Variants in MAK observed in about 807,000 individuals in gnomAD.
MAK encodes serine/threonine-protein kinase MAK.
MAK carries 65 observed loss-of-function variants against 82.6 expected under a neutral mutation model. The observed-to-expected ratio is 0.79, with a 90% CI of 0.64 to 0.97. MAK has a LOEUF of 0.97. Among genes scored for constraint, MAK ranks in the 50% least tolerant of loss-of-function variants. The pLI is 0.00. For synonymous variants in MAK, 250 were observed against 274.2 expected (o/e 0.91, Z 0.87); for missense variants, 703 against 780.2 (o/e 0.90, Z 1.18).
chr6:10,782,258 A>T (rs1025696649), intron 11 of MAK, among the ~76,000 whole-genome samples: 1 of 151,098 alleles, frequency 6.6e-6, no homozygotes, highest in Non-Finnish European at 1.5e-5. Flanking sequence ...ACAGACACAC[A>T]CCAAAACTAT....
intron 11 of MAK, among the ~76,000 whole-genome samples, chr6:10,783,296 A>G (rs1160726315): frequency 2.0e-5 from 3 of 152,162 alleles, no homozygotes; most frequent in Admixed American, 1.3e-4. Flanking sequence ...GGCACATGAT[A>G]AACTCCCCAC....
intron 5 of MAK, among the ~76,000 whole-genome samples, chr6:10,809,801 G>A (rs1434288839): frequency 2.0e-5 from 3 of 152,112 alleles, no homozygotes; most frequent in Non-Finnish European, 2.9e-5. Flanking sequence ...AGAAAATGAG[G>A]CAGAAAGCCC....
intron 12 of MAK, among the ~76,000 whole-genome samples, chr6:10,773,788 T>C (rs1267433276): frequency 6.7e-6 from 1 of 150,190 alleles, no homozygotes; most frequent in Non-Finnish European, 1.5e-5. Context: ...ACTTCCTGGG[T>C]TCAAGCGATT....
Position 10,764,502 on chromosome 6 carries a change from AG to A in MAK, c.1896del (p.Ser633GlnfsTer36). 1 of 1,613,860 alleles carries A rather than the reference AG, an allele frequency of 6.2e-7. No individual in the cohort carries two copies. The highest frequency in any genetic ancestry group is 8.5e-7 in the Non-Finnish European group (1 of 1,179,792). ...ACCCAGTCTGTCCTCCCATGCACTG[AG>A]GGAATGGGCTGTGCACGGTTCACAA... ...LNIVNRAQPI[P>X]SVHGRTDWVA... On this transcript the variant is annotated frameshift_variant, in exon 15 of 15. Transcript: ENST00000354489. LOFTEE classifies it high-confidence loss of function.
At chr6:10,827,119 C>CAAAACAAATACCATATTTTTGAAGGAT (rs1227549586) in intron 2 of MAK, among the ~76,000 whole-genome samples, 2 of 151,996 alleles carry the variant, frequency 1.3e-5, no homozygotes, top group Non-Finnish European at 2.9e-5. Flanking sequence ...CAAAACAAAA[C>CAAAACAAATACCATATTTTTGAAGGAT]AAAACAAATA....
chr6:10,771,022 C>G (rs1167007813), intron 13 of MAK, among the ~76,000 whole-genome samples: 2 of 151,982 alleles, frequency 1.3e-5, no homozygotes, highest in African/African-American at 4.8e-5. Flanking sequence ...GTGCGTTGTC[C>G]ATGAATAGCA....
Position 10,813,736 on chromosome 6 carries a change from G to A in MAK, c.279-13C>T. The A allele has an allele frequency of 6.9e-7, 1 of 1,451,110 alleles. No individual in the cohort carries two copies. The allele number at this position is 1,451,110 out of a possible 1,614,324, so 89.9% of individuals were successfully genotyped here. A position where few individuals can be genotyped will look rare whatever the true frequency, so the allele number is the denominator to read the frequency against. ...GAACAACTTGTTTCTGTAAAGAAATGAACAGTCACATAATTCTGTTAAGCA... is the reference window on the plus strand; with the variant it reads ...GAACAACTTGTTTCTGTAAAGAAATAAACAGTCACATAATTCTGTTAAGCA... On this transcript the variant is annotated splice_polypyrimidine_tract_variant and intron_variant, in intron 4 of 14. Coordinates refer to ENST00000354489, the MANE Select transcript of MAK (RefSeq NM_001242957.3).
At chr6:10,795,156 T>C (rs900462427) in intron 9 of MAK, among the ~76,000 whole-genome samples, 2 of 152,052 alleles carry the variant, frequency 1.3e-5, no homozygotes, top group Admixed American at 6.6e-5. Context: ...TTCTTCTGCA[T>C]TGAAAGAATT....
Position 10,764,302 on chromosome 6 carries a change from A to C in MAK, c.*150T>G. The C allele has an allele frequency of 1.4e-6, 1 of 715,970 alleles. No homozygotes were observed. Among genetic ancestry groups the C allele is most frequent in the Non-Finnish European group, 2.3e-6 (1 of 434,764 alleles). 44.4% of individuals were successfully genotyped at this position (715,970 alleles called of 1,614,324 possible). ...AATGCATTTCTTGGAAATAAGTAAA[A>C]TAGGGGATGATTTTTGCCCTTCCAA... On this transcript the variant is annotated 3_prime_UTR_variant, in exon 15 of 15. Transcript: ENST00000354489.
rs533969308 is a variant in MAK, at chr6:10,836,943, T to C, written c.-230+1560A>G. ...CATTCTAGTTTTCAACTTTTTAATCTAAGTTCATAATTACCGTTTCTCTAA... is the reference window on the plus strand; with the variant it reads ...CATTCTAGTTTTCAACTTTTTAATCCAAGTTCATAATTACCGTTTCTCTAA... On this transcript the variant is annotated intron_variant, in intron 1 of 14. Transcript: ENST00000354489. Among the ~76,000 whole-genome samples the C allele has an allele frequency of 9.8e-4, 149 of 152,364 alleles. 1 individual carries two copies. The highest frequency in any genetic ancestry group is 3.3e-3 in the African/African-American group (138 of 41,588).
chr6:10,767,102 C>T (rs904394678), intron 14 of MAK, among the ~76,000 whole-genome samples: 8 of 150,072 alleles, frequency 5.3e-5, no homozygotes, highest in Middle Eastern at 3.4e-3. Context: ...CCTGCAAGAG[C>T]GGGAGGGATA....
At chr6:10,787,596 C>T (rs372581343) in intron 10 of MAK, among the ~76,000 whole-genome samples, 4 of 152,122 alleles carry the variant, frequency 2.6e-5, no homozygotes, top group Non-Finnish European at 5.9e-5. Flanking sequence ...CAGTGGCTCA[C>T]GCCTGTAATC....
rs1772112189 is a variant in MAK at position 10,763,369 on chromosome 6, A to C, written c.*1083T>G. On this transcript the variant is annotated 3_prime_UTR_variant, in exon 15 of 15. Coordinates refer to ENST00000354489, the MANE Select transcript of MAK (RefSeq NM_001242957.3). Reference sequence around the variant, plus strand: ...CAAACACAGTTTCCAGAACTTTCTTAATGATGTCCAGCCAAGAGAACCTTG... The same window carrying C: ...CAAACACAGTTTCCAGAACTTTCTTCATGATGTCCAGCCAAGAGAACCTTG... 1 of 152,126 alleles carries C rather than the reference A, an allele frequency of 6.6e-6. No homozygotes were observed. Among genetic ancestry groups the C allele is most frequent in the Non-Finnish European group, 1.5e-5 (1 of 68,030 alleles). 9.4% of individuals were successfully genotyped at this position (152,126 alleles called of 1,614,324 possible). A position where few individuals can be genotyped will look rare whatever the true frequency, so the allele number is the denominator to read the frequency against.
chr6:10,767,806 A>AAAAAC (rs1772599800), intron 14 of MAK, among the ~76,000 whole-genome samples: 1 of 129,902 alleles, frequency 7.7e-6, no homozygotes, highest in Non-Finnish European at 1.6e-5. Context: ...AAAAAAAAAA[A>AAAAAC]AAAAACAAAA....
At chr6:10,827,245 C>T (rs569531245) in intron 2 of MAK, among the ~76,000 whole-genome samples, 2 of 152,240 alleles carry the variant, frequency 1.3e-5, no homozygotes, top group African/African-American at 4.8e-5. Flanking sequence ...GTACCCAAGA[C>T]CCAACACCCC....
intron 2 of MAK, among the ~76,000 whole-genome samples, chr6:10,820,406 C>T (rs933704712): frequency 6.6e-5 from 10 of 152,042 alleles, no homozygotes; most frequent in Non-Finnish European, 1.5e-4. Flanking sequence ...GCTGTGGAAC[C>T]GCACTGCCTG....
At chr6:10,781,276 A>G (rs1773944067) in intron 11 of MAK, among the ~76,000 whole-genome samples, 1 of 152,150 alleles carries the variant, frequency 6.6e-6, no homozygotes, top group Non-Finnish European at 1.5e-5. Flanking sequence ...CTATACAAAA[A>G]TGTTAGAATA....
chr6:10,771,857 T>G (rs1053333970), intron 13 of MAK, among the ~76,000 whole-genome samples: 2 of 152,254 alleles, frequency 1.3e-5, no homozygotes, highest in African/African-American at 2.4e-5. Flanking sequence ...ACTAATCAGT[T>G]CTTTACTTCA....
At chr6:10,794,078 A>C (rs1258380507) in intron 9 of MAK, among the ~76,000 whole-genome samples, 5 of 152,204 alleles carry the variant, frequency 3.3e-5, no homozygotes, top group Non-Finnish European at 7.3e-5. Flanking sequence ...TCTAGAGAAA[A>C]GGGCAGATAA....
Sources: allele counts gnomAD v4.1 joint callset (sites outside exome capture counted in the v4.1 genomes callset), GRCh38; gene constraint gnomAD v4.1.1; transcripts MANE v1.5; gene names NCBI Gene and HGNC (gene_info 2026-07-23, HGNC 2026-07-21).